The following HACE1 variants were observed in gnomAD, a reference collection of about 807,000 sequenced individuals.
The protein encoded by HACE1 is E3 ubiquitin-protein ligase HACE1.
In HACE1, 73 loss-of-function variants were observed where a neutral mutation model predicts 118.4. That is an observed-to-expected ratio of 0.62 (90% confidence interval 0.51 to 0.75). HACE1 has a LOEUF of 0.75. Among genes scored for constraint, HACE1 ranks in the 30% least tolerant of loss-of-function variants. The probability of loss-of-function intolerance (pLI) is 0.00; values close to 1 mark genes in which losing one functional copy is unlikely to be tolerated. For synonymous variants in HACE1, 368 were observed against 374.8 expected, an observed-to-expected ratio of 0.98 and a Z score of 0.21; for missense variants, 749 against 1,102.2, an observed-to-expected ratio of 0.68 and a Z score of 4.54.
At chr6:104,772,461 G>A (rs182129605) in intron 17 of HACE1, among the ~76,000 whole-genome samples, 1 of 152,190 alleles carries the variant, frequency 6.6e-6, no homozygotes, top group African/African-American at 2.4e-5. Flanking sequence ...TAGGCTGTTC[G>A]CTAGGACAGA....
intron 19 of HACE1, among the ~76,000 whole-genome samples, chr6:104,755,019 C>T (rs1466039317): frequency 1.3e-5 from 2 of 152,182 alleles, no homozygotes; most frequent in African/African-American, 2.4e-5. Context: ...CAAGACCCAT[C>T]AGTATGCTGT....
chr6:104,791,937 T>C (rs1028072004), intron 10 of HACE1, among the ~76,000 whole-genome samples: 1 of 152,182 alleles, frequency 6.6e-6, no homozygotes, highest in Admixed American at 6.5e-5. Context: ...TGGTTTCTTG[T>C]GGCAACAACT....
chr6:104,851,828 T>C lies in HACE1; in HGVS notation c.131+489A>G, dbSNP rs1484027808. On this transcript the variant is annotated intron_variant, in intron 2 of 23. Transcript: ENST00000262903. ...AATGGCTAGCCATGGCAGAGCTGAC[T>C]GGTGTAAGTGTAAAGACCCCCTCAC... Among the ~76,000 whole-genome samples the C allele has an allele frequency of 2.6e-5, 4 of 152,218 alleles. No individual in the cohort carries two copies. In the East Asian group the frequency reaches 7.7e-4, roughly 29 times the overall value.
chr6:104,836,028 T>G (rs1272018553), intron 5 of HACE1, among the ~76,000 whole-genome samples: 5 of 152,150 alleles, frequency 3.3e-5, no homozygotes, highest in African/African-American at 1.2e-4. Context: ...TGGCAACACA[T>G]CTCCCATGCA....
chr6:104,844,812 G>A (rs955855645), intron 4 of HACE1, among the ~76,000 whole-genome samples: 3 of 151,798 alleles, frequency 2.0e-5, no homozygotes, highest in South Asian at 4.2e-4. Flanking sequence ...ACAGGCGCCC[G>A]CCACCATGCC....
intron 19 of HACE1, among the ~76,000 whole-genome samples, chr6:104,766,539 G>A (rs138666748): frequency 1.8e-4 from 28 of 152,260 alleles, no homozygotes; most frequent in African/African-American, 6.3e-4. Context: ...GCTTGTATGT[G>A]CATTAAATGT....
chr6:104,852,385 A>AAT lies in HACE1; in HGVS notation c.77-15_77-14insAT, dbSNP rs1554265071. 5 of 1,209,218 alleles carry AAT rather than the reference A, an allele frequency of 4.1e-6. No individual in the cohort carries two copies. The highest frequency in any genetic ancestry group is 2.1e-5 in the Admixed American group (1 of 48,642). The allele number at this position is 1,209,218 out of a possible 1,614,324, so 74.9% of individuals were successfully genotyped here. ...CAGTTTCATTATCTGAGTAAAAAAA[A>AAT]ACAAAGAGTTCATTTATCCCCTACT... On this transcript the variant is annotated splice_polypyrimidine_tract_variant and intron_variant, in intron 1 of 23. Transcript: ENST00000262903.
chr6:104,807,205 G>C (rs199605189), intron 7 of HACE1, among the ~76,000 whole-genome samples: 2 of 152,010 alleles, frequency 1.3e-5, no homozygotes, highest in East Asian at 3.9e-4. Flanking sequence ...TGTATTTTTA[G>C]TAGAGACGGG....
chr6:104,758,120 C>T (rs1218492816), intron 19 of HACE1, among the ~76,000 whole-genome samples: 3 of 152,194 alleles, frequency 2.0e-5, no homozygotes, highest in South Asian at 4.1e-4. Flanking sequence ...TTAGAAAACA[C>T]TCTTCAGGAT....
chr6:104,852,692 C>A (rs1346379766), intron 1 of HACE1, among the ~76,000 whole-genome samples: 2 of 152,060 alleles, frequency 1.3e-5, no homozygotes, highest in Non-Finnish European at 2.9e-5. Flanking sequence ...GTATGGTAGC[C>A]CGCGCATCAT....
At chr6:104,750,512 C>CT (rs748807134) in intron 19 of HACE1, 40 bp from the exon 20 acceptor site, 4 of 1,557,506 alleles carry the variant, frequency 2.6e-6, no homozygotes, top group Non-Finnish European at 3.5e-6. Flanking sequence ...TTTCAAAAAC[C>CT]TTTTACATAC....
At chr6:104,734,612 C>T (rs556894534) in intron 22 of HACE1, among the ~76,000 whole-genome samples, 18 of 152,228 alleles carry the variant, frequency 1.2e-4, no homozygotes, top group Middle Eastern at 3.4e-3. Context: ...AAGCTAGCTC[C>T]GTGTTGTTTC....
At chr6:104,810,179 A>C (rs55941848) in intron 7 of HACE1, among the ~76,000 whole-genome samples, 335 of 152,232 alleles carry the variant, frequency 2.2e-3, no homozygotes, top group African/African-American at 7.8e-3. Flanking sequence ...ACACTATGGA[A>C]AGAACTGGTT....
chr6:104,859,465 G>T, intron 1 of HACE1, 102 bp downstream of exon 1: 1 of 903,282 alleles, frequency 1.1e-6, no homozygotes, highest in Non-Finnish European at 1.6e-6. Context: ...CGTTTTCTCA[G>T]CTTTCAGTTA....
At chr6:104,818,259 G>A (rs1772319344) in intron 6 of HACE1, among the ~76,000 whole-genome samples, 1 of 152,086 alleles carries the variant, frequency 6.6e-6, no homozygotes, top group African/African-American at 2.4e-5. Flanking sequence ...TATTTTATAA[G>A]AGAAGGACTA....
At chr6:104,833,548 C>T (rs1774216247) in intron 5 of HACE1, among the ~76,000 whole-genome samples, 1 of 152,136 alleles carries the variant, frequency 6.6e-6, no homozygotes, top group Non-Finnish European at 1.5e-5. Flanking sequence ...ATTTCAAAAT[C>T]AAGAACTCAG....
intron 19 of HACE1, among the ~76,000 whole-genome samples, chr6:104,768,037 A>G (rs1175150371): frequency 6.6e-6 from 1 of 152,160 alleles, no homozygotes; most frequent in Non-Finnish European, 1.5e-5. Flanking sequence ...TAACTAATTT[A>G]AGAGTATTAT....
At chr6:104,735,729 A>G (rs575877850) in intron 22 of HACE1, among the ~76,000 whole-genome samples, 2 of 152,284 alleles carry the variant, frequency 1.3e-5, no homozygotes, top group South Asian at 4.1e-4. Context: ...AAGATAAATG[A>G]ATATATATCA....
intron 6 of HACE1, among the ~76,000 whole-genome samples, chr6:104,823,008 A>G (rs1308261509): frequency 1.3e-5 from 2 of 152,216 alleles, no homozygotes; most frequent in African/African-American, 4.8e-5. Flanking sequence ...CAAATCATAG[A>G]AAAAAAACAT....
Sources: gnomAD v4.1 joint callset for allele counts (sites outside exome capture counted in the v4.1 genomes callset) on GRCh38, gnomAD v4.1.1 for gene constraint, MANE v1.5 for transcripts, NCBI Gene and HGNC (gene_info 2026-07-23, HGNC 2026-07-21) for gene names.